Variants in SEC24B observed in about 807,000 individuals in gnomAD.
SEC24B encodes the protein SEC24 homolog B, COPII component.
In SEC24B, 45 loss-of-function variants were observed where a neutral mutation model predicts 142.8. The observed-to-expected ratio is 0.32, with a 90% confidence interval of 0.25 to 0.40. The LOEUF (loss-of-function observed/expected upper bound fraction) is 0.40, where lower values mean the gene tolerates loss of function less well. Ranked by LOEUF, SEC24B falls within the 10% of genes least tolerant of loss-of-function variation. The probability of loss-of-function intolerance (pLI) is 1.00; values close to 1 mark genes in which losing one functional copy is unlikely to be tolerated. For missense variants in SEC24B, 1,409 were observed against 1,526.8 expected, an observed-to-expected ratio of 0.92 and a Z score of 1.29; for synonymous variants, 574 against 568.2, an observed-to-expected ratio of 1.01 and a Z score of -0.15.
intron 3 of SEC24B, among the ~76,000 whole-genome samples, chr4:109,474,205 C>G (rs192054551): frequency 6.6e-6 from 1 of 152,264 alleles, no homozygotes; most frequent in African/African-American, 2.4e-5. Context: ...ATACTGGAAA[C>G]TGAATTTAGT....
At chr4:109,517,623 T>C (rs188604990) in intron 11 of SEC24B, among the ~76,000 whole-genome samples, 315 of 152,322 alleles carry the variant, frequency 2.1e-3, no homozygotes, top group African/African-American at 7.2e-3. Flanking sequence ...TTTAACTTTG[T>C]GAGGCAATGC....
intron 1 of SEC24B, among the ~76,000 whole-genome samples, chr4:109,456,342 T>G (rs1362042529): frequency 2.2e-4 from 33 of 149,658 alleles, no homozygotes; most frequent in African/African-American, 6.4e-4. Context: ...TTGTTTTTTT[T>G]TTTTTTTTTT....
At chr4:109,488,962 A>G (rs749361138) in intron 4 of SEC24B, among the ~76,000 whole-genome samples, 27 of 151,848 alleles carry the variant, frequency 1.8e-4, no homozygotes, top group Non-Finnish European at 3.5e-4. Context: ...TTGTTGTTTT[A>G]TTGTTGAGTT....
At chr4:109,503,508 G>A (rs552274182) in intron 6 of SEC24B, among the ~76,000 whole-genome samples, 14 of 152,160 alleles carry the variant, frequency 9.2e-5, no homozygotes, top group African/African-American at 3.1e-4. Flanking sequence ...ACAGGCATGA[G>A]CCACTGTGCC....
At chr4:109,435,269 C>A (rs1561049578) in intron 1 of SEC24B, among the ~76,000 whole-genome samples, 1 of 152,232 alleles carries the variant, frequency 6.6e-6, no homozygotes, top group Non-Finnish European at 1.5e-5. Flanking sequence ...ATGCTGTACT[C>A]TCAGTAGTCA....
At chr4:109,523,470 C>G (rs1561175569) in intron 14 of SEC24B, among the ~76,000 whole-genome samples, 1 of 145,680 alleles carries the variant, frequency 6.9e-6, no homozygotes, top group Non-Finnish European at 1.5e-5. Flanking sequence ...GACCCGGTCT[C>G]AAAAAAAAAG....
chr4:109,483,003 C>CACACACACACACATATACACACACACAT (rs1408633373), intron 4 of SEC24B, among the ~76,000 whole-genome samples: 8 of 84,072 alleles, frequency 9.5e-5, no homozygotes, highest in African/African-American at 5.7e-4. Flanking sequence ...CACACACACA[C>CACACACACACACATATACACACACACAT]ATATTATACA....
Position 109,509,146 on chromosome 4 carries a change from A to G in SEC24B, c.1674-863A>G, listed in dbSNP as rs183141982. ...TGGGTGAAGTGAGAGAGTAAGCCAC[A>G]TGACTTCTCTGGGAATAAAAGGGTT... On this transcript the variant is annotated intron_variant, in intron 7 of 23. Transcript: ENST00000265175. Among the ~76,000 whole-genome samples, 764 of 152,288 alleles carry G rather than the reference A, an allele frequency of 5.0e-3. 4 individuals carry two copies. The highest frequency in any genetic ancestry group is 8.2e-3 in the Non-Finnish European group (559 of 68,018).
At chr4:109,475,926 A>G (rs1409677152) in intron 3 of SEC24B, among the ~76,000 whole-genome samples, 6 of 151,738 alleles carry the variant, frequency 4.0e-5, no homozygotes, top group Non-Finnish European at 7.4e-5. Flanking sequence ...TATGACTTTA[A>G]GTCTCTAAAT....
At chr4:109,493,708 A>C (rs1030148070) in intron 5 of SEC24B, among the ~76,000 whole-genome samples, 4 of 150,388 alleles carry the variant, frequency 2.7e-5, no homozygotes, top group East Asian at 2.0e-4. Context: ...GGCTCACTGC[A>C]GCCTCAGCCT....
chr4:109,531,636 C>A, intron 20 of SEC24B, 114 bp downstream of exon 20: 1 of 731,730 alleles, frequency 1.4e-6, no homozygotes, highest in East Asian at 2.7e-5. Flanking sequence ...CTCTTTTTCC[C>A]CCTTGTGGTA....
intron 23 of SEC24B, among the ~76,000 whole-genome samples, chr4:109,539,011 G>A (rs1191581875): frequency 6.6e-6 from 1 of 151,768 alleles, no homozygotes; most frequent in African/African-American, 2.4e-5. Flanking sequence ...ACCCGGGCTG[G>A]AGTGCGATGG....
chr4:109,448,961 C>T (rs1405546441), intron 1 of SEC24B, among the ~76,000 whole-genome samples: 4 of 149,248 alleles, frequency 2.7e-5, no homozygotes, highest in East Asian at 2.0e-4. Flanking sequence ...ATGACTTCCT[C>T]GTTTTTGAAG....
chr4:109,528,826 A>G (rs889653687), intron 18 of SEC24B, among the ~76,000 whole-genome samples: 1 of 152,258 alleles, frequency 6.6e-6, no homozygotes, highest in African/African-American at 2.4e-5. Flanking sequence ...GGGAAAAATT[A>G]TAATAGCATT....
Position 109,539,802 on chromosome 4 carries a change from T to C in SEC24B, c.*127T>C. On this transcript the variant is annotated 3_prime_UTR_variant, in exon 24 of 24. Coordinates refer to ENST00000265175, the MANE Select transcript of SEC24B (RefSeq NM_006323.5). The stretch of plus-strand genomic sequence containing the variant: ...AAGATGCAACGCACAGCACTCTGTC[T>C]GAGGCTTTGGTAAAAAGTAAAGGGG... The C allele has an allele frequency of 1.6e-6, 1 of 628,232 alleles. No homozygotes were observed. The highest frequency in any genetic ancestry group is 2.8e-6 in the Non-Finnish European group (1 of 360,942). The allele number at this position is 628,232 out of a possible 1,614,324, so 38.9% of individuals were successfully genotyped here.
Position 109,525,253 on chromosome 4 carries a change from T to C in SEC24B, c.2633-93T>C, listed in dbSNP as rs6838597. ...TGATGGCTTAGGTTTTCTCATGACT[T>C]AGATTTCTTCATAATGTAGAATCTG... On this transcript the variant is annotated intron_variant, in intron 15 of 23. Transcript: ENST00000265175. The C allele has an allele frequency of 0.025, 27,763 of 1,094,234 alleles. 4,685 individuals are homozygous for C. The African/African-American group carries it at 0.38, about 15-fold the overall frequency. 67.8% of individuals were successfully genotyped at this position (1,094,234 alleles called of 1,614,324 possible).
chr4:109,526,361 T>A lies in SEC24B; in HGVS notation c.2927T>A (p.Val976Glu), dbSNP rs1160018551. Reference sequence around the variant, plus strand: ...GAAAGTTTAACAGATACTTCCTTAGTATGTTTTCAAACAGCCCTATTATAT... The same window carrying A: ...GAAAGTTTAACAGATACTTCCTTAGAATGTTTTCAAACAGCCCTATTATAT... ...IEESLTDTSL[V>E]CFQTALLYTS... The change falls in exon 17 of 24, where the codon GTA becomes GAA. Residue 976 changes from valine (V) to glutamate (E), a missense_variant. Coordinates refer to ENST00000265175, the MANE Select transcript of SEC24B (RefSeq NM_006323.5). 2 of 1,613,680 alleles carry A rather than the reference T, an allele frequency of 1.2e-6. No homozygotes were observed. Among genetic ancestry groups the A allele is most frequent in the Admixed American group, 3.3e-5 (2 of 59,986 alleles).
chr4:109,531,459 A>G lies in SEC24B; in HGVS notation c.3327A>G (p.Pro1109=). The change falls in exon 20 of 24, where the codon CCA becomes CCG. Residue 1109 remains proline (P), a synonymous_variant. Transcript: ENST00000265175. ...CCATGTGTCAGATAAAGTCTCAGCC[A>G]CTTGTTCATCTAATGAAAATGATTC... The part of the protein sequence containing the change: ...VYAMCQIKSQ[P]LVHLMKMIHP... The G allele has an allele frequency of 1.2e-6, 2 of 1,611,688 alleles. No individual in the cohort carries two copies. Among genetic ancestry groups the G allele is most frequent in the Admixed American group, 3.3e-5 (2 of 60,020 alleles).
intron 16 of SEC24B, 29 bp downstream of exon 16, chr4:109,525,533 A>G: frequency 6.7e-7 from 1 of 1,488,712 alleles, no homozygotes; most frequent in South Asian, 1.3e-5. Flanking sequence ...TATATTTTAT[A>G]TTAAATACTT....
Sources: allele counts gnomAD v4.1 joint callset (sites outside exome capture counted in the v4.1 genomes callset), GRCh38; gene constraint gnomAD v4.1.1; transcripts MANE v1.5; gene names NCBI Gene and HGNC (gene_info 2026-07-23, HGNC 2026-07-21).